Variants in CELF2 observed in about 807,000 individuals in gnomAD.
CELF2 encodes the protein CUG triplet repeat RNA-binding protein 2.
CELF2 carries 8 observed loss-of-function variants against 62.6 expected under a neutral mutation model. That is an observed-to-expected ratio of 0.13 (90% CI 0.07 to 0.23). The LOEUF (loss-of-function observed/expected upper bound fraction) is 0.23, where lower values mean the gene tolerates loss of function less well. CELF2 is among the 10% of genes least tolerant of loss of function. The pLI, the probability that CELF2 is intolerant of heterozygous loss-of-function variation, is 1.00. For synonymous variants in CELF2, 258 were observed against 250.0 expected, an observed-to-expected ratio of 1.03 and a Z score of -0.30; for missense variants, 333 against 671.0, an observed-to-expected ratio of 0.50 and a Z score of 5.56.
the CELF2 span, among the ~76,000 whole-genome samples, chr10:10,536,167 A>G: frequency 6.6e-6 from 1 of 151,940 alleles, no homozygotes; most frequent in Non-Finnish European, 1.5e-5. Flanking sequence ...CTACAGGCAC[A>G]TGCCACCATG....
chr10:11,044,517 G>A (rs886999414), intron 1 of CELF2, among the ~76,000 whole-genome samples: 4 of 152,044 alleles, frequency 2.6e-5, no homozygotes, highest in East Asian at 1.9e-4. Flanking sequence ...CAGTTTCTTC[G>A]TATATAAATT....
chr10:10,784,881 T>C, the CELF2 span, among the ~76,000 whole-genome samples: 2 of 152,194 alleles, frequency 1.3e-5, no homozygotes, highest in Admixed American at 1.3e-4. Context: ...TACAGGTGGC[T>C]GATAGAGTTT....
intron 2 of CELF2, among the ~76,000 whole-genome samples, chr10:11,189,611 G>T (rs1014035988): frequency 1.3e-5 from 2 of 152,180 alleles, no homozygotes; most frequent in Non-Finnish European, 2.9e-5. Context: ...TCAGCTCAGG[G>T]AGTATACTGG....
the CELF2 span, among the ~76,000 whole-genome samples, chr10:10,760,682 C>T: frequency 6.6e-6 from 1 of 152,174 alleles, no homozygotes; most frequent in East Asian, 1.9e-4. Context: ...AGTGAAATGA[C>T]ATGTCCGCTG....
intron 2 of CELF2, among the ~76,000 whole-genome samples, chr10:10,991,028 T>A (rs538995183): frequency 6.6e-6 from 1 of 151,900 alleles, no homozygotes; most frequent in Non-Finnish European, 1.5e-5. Context: ...TGAGTTTTTT[T>A]CCCCCCATAA....
chr10:11,175,062 G>GT (rs2070512394), intron 2 of CELF2, among the ~76,000 whole-genome samples: 2 of 143,100 alleles, frequency 1.4e-5, no homozygotes, highest in South Asian at 4.6e-4. Flanking sequence ...TTTAAAGTCT[G>GT]CCCCCCCGCC....
At chr10:10,982,980 G>T (rs1329688446) in intron 2 of CELF2, among the ~76,000 whole-genome samples, 1 of 151,882 alleles carries the variant, frequency 6.6e-6, no homozygotes, top group Non-Finnish European at 1.5e-5. Flanking sequence ...TGTCAAAAAG[G>T]ATGTTGTCAA....
At chr10:11,277,478 G>C (rs1473053564) in intron 8 of CELF2, among the ~76,000 whole-genome samples, 1 of 152,228 alleles carries the variant, frequency 6.6e-6, no homozygotes, top group Non-Finnish European at 1.5e-5. Context: ...TGCTCCAGGA[G>C]AGCATGGCCC....
intron 2 of CELF2, among the ~76,000 whole-genome samples, chr10:10,943,144 T>G (rs2047234479): frequency 6.6e-6 from 1 of 152,196 alleles, no homozygotes; most frequent in Non-Finnish European, 1.5e-5. Flanking sequence ...ACTTTATTGT[T>G]GGGGAGGGGA....
intron 2 of CELF2, among the ~76,000 whole-genome samples, chr10:11,192,209 A>G (rs1161695993): frequency 6.6e-6 from 1 of 152,226 alleles, no homozygotes; most frequent in Non-Finnish European, 1.5e-5. Context: ...CACAGCCCCA[A>G]AATACTTCAA....
the CELF2 span, among the ~76,000 whole-genome samples, chr10:10,713,977 G>A: frequency 6.6e-6 from 1 of 152,156 alleles, no homozygotes; most frequent in Non-Finnish European, 1.5e-5. Flanking sequence ...GAAGATTCCA[G>A]TGAGTGGAGA....
chr10:11,158,897 C>G (rs181156703), intron 1 of CELF2, among the ~76,000 whole-genome samples: 1 of 152,168 alleles, frequency 6.6e-6, no homozygotes, highest in African/African-American at 2.4e-5. Flanking sequence ...CCTGTACATT[C>G]TTAAGAAACT....
At chr10:10,551,567 C>T in the CELF2 span, among the ~76,000 whole-genome samples, 1 of 152,224 alleles carries the variant, frequency 6.6e-6, no homozygotes, top group Admixed American at 6.5e-5. Flanking sequence ...TAAGGACTGG[C>T]TGAGAGAAGC....
At position 10,938,954 on chromosome 10, in the gene CELF2, G is replaced by A. The variant is rs1010833359; in HGVS notation, c.89+18955G>A. Among the ~76,000 whole-genome samples the A allele has an allele frequency of 3.3e-5, 5 of 152,230 alleles. No individual in the cohort carries two copies. Among genetic ancestry groups the A allele is most frequent in the African/African-American group, 1.2e-4 (5 of 41,458 alleles). ...CATGCCTAGGCCAAGCGCTCCTGCA[G>A]CAGCAAAATCCCTCTCTGAAAGTCA... On this transcript the variant is annotated intron_variant, in intron 2 of 13. Coordinates refer to the CELF2 transcript ENST00000636488. This position sits in a 1 kb window ranked among gnomAD's most constrained non-coding sequence, Gnocchi z 4.2.
the CELF2 span, among the ~76,000 whole-genome samples, chr10:10,676,857 A>G: frequency 6.6e-6 from 1 of 152,184 alleles, no homozygotes; most frequent in Admixed American, 6.5e-5. Flanking sequence ...CTAAGTATGG[A>G]ACCAGAAACA....
At chr10:10,679,421 C>T in the CELF2 span, among the ~76,000 whole-genome samples, 2 of 152,276 alleles carry the variant, frequency 1.3e-5, no homozygotes, top group Non-Finnish European at 2.9e-5. Flanking sequence ...TCCCAAGTAG[C>T]TGAGAATACA....
chr10:10,843,181 GA>G (rs2058797175), intron 1 of CELF2, among the ~76,000 whole-genome samples: 1 of 151,886 alleles, frequency 6.6e-6, no homozygotes, highest in African/African-American at 2.4e-5. Context: ...TCTCCACAAA[GA>G]AAAACAACAG....
intron 1 of CELF2, among the ~76,000 whole-genome samples, chr10:10,822,563 G>A (rs1462616039): frequency 6.6e-6 from 1 of 152,190 alleles, no homozygotes; most frequent in African/African-American, 2.4e-5. Flanking sequence ...TATGTGTTCA[G>A]CCAGAAGTTC....
At chr10:10,692,212 CA>C in the CELF2 span, among the ~76,000 whole-genome samples, 1 of 149,770 alleles carries the variant, frequency 6.7e-6, no homozygotes, top group African/African-American at 2.4e-5. Context: ...GATCCAGTTT[CA>C]GCTTTCTACA....
Sources: gnomAD v4.1 joint callset for allele counts (sites outside exome capture counted in the v4.1 genomes callset) on GRCh38, gnomAD v4.1.1 for gene constraint, Gnocchi (gnomAD v3.1) non-coding constraint, MANE v1.5 for transcripts, NCBI Gene and HGNC (gene_info 2026-07-23, HGNC 2026-07-21) for gene names.